The following MATN2 variants were observed in gnomAD, a reference collection of about 807,000 sequenced individuals.
MATN2 encodes the protein matrilin-2.
In MATN2, 69 loss-of-function variants were observed where a neutral mutation model predicts 103.2. That is an observed-to-expected ratio of 0.67 (90% CI 0.55 to 0.82). MATN2 has a LOEUF of 0.82. Ranked by LOEUF, MATN2 falls within the 40% of genes least tolerant of loss-of-function variation. The pLI is 0.00. For synonymous variants in MATN2, 429 were observed against 450.2 expected (o/e 0.95, Z 0.60); for missense variants, 1,023 against 1,211.5 (o/e 0.84, Z 2.31).
At chr8:97,955,744 A>G (rs1042577037) in intron 4 of MATN2, among the ~76,000 whole-genome samples, 2 of 152,184 alleles carry the variant, frequency 1.3e-5, no homozygotes, top group African/African-American at 4.8e-5. Flanking sequence ...GGTAAGAGAG[A>G]TGAGTTAGGA....
intron 2 of MATN2, among the ~76,000 whole-genome samples, chr8:97,922,524 G>A (rs1011644260): frequency 6.6e-6 from 1 of 152,174 alleles, no homozygotes; most frequent in African/African-American, 2.4e-5. Context: ...CTTTGTTGCA[G>A]AGCACCAGGC....
intron 5 of MATN2, among the ~76,000 whole-genome samples, chr8:97,970,168 A>G (rs1167253118): frequency 6.6e-6 from 1 of 152,222 alleles, no homozygotes; most frequent in Non-Finnish European, 1.5e-5. Context: ...CCCACTTTCA[A>G]TTGCAGGCAC....
At chr8:97,956,332 C>T (rs1352132831) in intron 4 of MATN2, among the ~76,000 whole-genome samples, 1 of 152,144 alleles carries the variant, frequency 6.6e-6, no homozygotes, top group East Asian at 1.9e-4. Flanking sequence ...CACCTGCCAC[C>T]ACATCTGGCT....
chr8:97,953,079 T>A (rs1375951197), intron 4 of MATN2, among the ~76,000 whole-genome samples: 4 of 151,986 alleles, frequency 2.6e-5, no homozygotes, highest in Admixed American at 1.3e-4. Context: ...TGTGCCACTG[T>A]GCCTGGCTAA....
chr8:97,883,717 G>C (rs1818329033), intron 1 of MATN2, among the ~76,000 whole-genome samples: 1 of 152,040 alleles, frequency 6.6e-6, no homozygotes, highest in Non-Finnish European at 1.5e-5. Flanking sequence ...ACCACACCCG[G>C]CTAATTTTTT....
Position 98,033,647 on chromosome 8 carries a change from T to C in MATN2, c.2803T>C (p.Leu935=), listed in dbSNP as rs754381450. The change falls in exon 18 of 19, where the codon TTA becomes CTA. Residue 935 remains leucine, a synonymous_variant. Transcript: ENST00000254898. Reference sequence around the variant, plus strand: ...CCTTGCAAACGAAGAAGTAAGAAAATTAACACAGCGCTATATCCTTTTCTT... The same window carrying C: ...CCTTGCAAACGAAGAAGTAAGAAAACTAACACAGCGCTATATCCTTTTCTT... ...QNLANEEVRK[L]TQRLEEMTQR... is the part of the protein sequence containing the mutation. The C allele has an allele frequency of 2.9e-5, 46 of 1,598,484 alleles. No individual in the cohort carries two copies. The highest frequency in any genetic ancestry group is 3.6e-5 in the Non-Finnish European group (42 of 1,170,282).
At chr8:97,906,057 G>T (rs1819159452) in intron 2 of MATN2, among the ~76,000 whole-genome samples, 1 of 152,158 alleles carries the variant, frequency 6.6e-6, no homozygotes, top group Admixed American at 6.5e-5. Flanking sequence ...ATACTAAGGA[G>T]TAGAATTGCT....
chr8:97,953,346 A>G (rs1490945878), intron 4 of MATN2, among the ~76,000 whole-genome samples: 1 of 152,196 alleles, frequency 6.6e-6, no homozygotes, highest in African/African-American at 2.4e-5. Context: ...TTGATTTAGG[A>G]AAGGAGAAGG....
chr8:98,010,708 T>A (rs569774909), intron 10 of MATN2, among the ~76,000 whole-genome samples: 244 of 152,222 alleles, frequency 1.6e-3, no homozygotes, highest in Non-Finnish European at 2.1e-3. Context: ...ACTCTGGAAG[T>A]GGGCTGGACT....
chr8:97,931,192 C>T lies in MATN2; in HGVS notation c.382C>T (p.Arg128Trp), dbSNP rs377009254. Reference sequence around the variant, plus strand: ...GGTGGAGCGTGCTGTCAAGAGGATGCGGCATCTGTCCACGGGCACCATGAC... The same window carrying T: ...GGTGGAGCGTGCTGTCAAGAGGATGTGGCATCTGTCCACGGGCACCATGAC... The part of the protein sequence containing the change: ...SEVERAVKRM[R>W]HLSTGTMTGL... The change falls in exon 3 of 19, where the codon CGG becomes TGG. Residue 128 changes from arginine (R) to tryptophan (W), a missense_variant. Coordinates refer to ENST00000254898, the MANE Select transcript of MATN2 (RefSeq NM_002380.5). This position sits in a 1 kb window ranked among gnomAD's most constrained non-coding sequence, Gnocchi z 4.1. The T allele has an allele frequency of 5.6e-6, 9 of 1,612,824 alleles. No individual in the cohort carries two copies. The highest frequency in any genetic ancestry group is 2.2e-5 in the East Asian group (1 of 44,846).
intron 13 of MATN2, among the ~76,000 whole-genome samples, chr8:98,022,943 C>A (rs1266190783): frequency 1.3e-5 from 2 of 152,110 alleles, no homozygotes; most frequent in African/African-American, 4.8e-5. Context: ...TAAAAATTAG[C>A]CAGGCGTGGT....
chr8:97,945,961 C>T (rs1810741108), intron 4 of MATN2, among the ~76,000 whole-genome samples: 1 of 152,102 alleles, frequency 6.6e-6, no homozygotes, highest in Non-Finnish European at 1.5e-5. Flanking sequence ...CAGCTTGGAT[C>T]AGCGGTTGAG....
At chr8:98,034,163 T>C (rs1563740156) in intron 18 of MATN2, 1 of 455,906 alleles carries the variant, frequency 2.2e-6, no homozygotes, top group East Asian at 7.0e-5. Flanking sequence ...TTCTTTTTTT[T>C]CCCTTGGCAG....
chr8:97,991,859 T>TG (rs1812401464), intron 6 of MATN2, among the ~76,000 whole-genome samples: 1 of 152,186 alleles, frequency 6.6e-6, no homozygotes, highest in Admixed American at 6.5e-5. Context: ...CCACCACCCC[T>TG]GGCTGAATTT....
At chr8:97,916,794 G>A (rs1391760741) in intron 2 of MATN2, among the ~76,000 whole-genome samples, 1 of 152,134 alleles carries the variant, frequency 6.6e-6, no homozygotes, top group African/African-American at 2.4e-5. Context: ...ACTAAACTGG[G>A]GCAGCTTTCA....
chr8:97,870,345 C>A (rs1817850913), intron 1 of MATN2, among the ~76,000 whole-genome samples: 1 of 152,044 alleles, frequency 6.6e-6, no homozygotes, highest in Admixed American at 6.6e-5. Context: ...ATGGAGAAAC[C>A]CCGTCTCTAC....
At chr8:98,032,787 C>T (rs111236231) in intron 16 of MATN2, among the ~76,000 whole-genome samples, 24 of 152,250 alleles carry the variant, frequency 1.6e-4, no homozygotes, top group African/African-American at 5.1e-4. Context: ...CCACCTTGGC[C>T]TCCCAAAGTG....
At chr8:97,988,189 T>TATATATATATATATATATATACACACAC (rs71570279) in intron 6 of MATN2, among the ~76,000 whole-genome samples, 5 of 54,964 alleles carry the variant, frequency 9.1e-5, no homozygotes, top group Non-Finnish European at 1.5e-4. Context: ...TATATATATA[T>TATATATATATATATATATATACACACAC]ACACACACAC....
intron 3 of MATN2, among the ~76,000 whole-genome samples, chr8:97,938,801 C>G (rs1810461616): frequency 6.6e-6 from 1 of 152,194 alleles, no homozygotes. Context: ...CTGCAATCCT[C>G]TGGTGACAAT....
Sources: allele counts gnomAD v4.1 joint callset (sites outside exome capture counted in the v4.1 genomes callset), GRCh38; gene constraint gnomAD v4.1.1; non-coding constraint Gnocchi (gnomAD v3.1); transcripts MANE v1.5; gene names NCBI Gene and HGNC (gene_info 2026-07-23, HGNC 2026-07-21).